The following MED13L variants were observed in gnomAD, a reference collection of about 807,000 sequenced individuals.
MED13L encodes mediator complex subunit 13L.
A neutral mutation model predicts 220.9 loss-of-function variants in MED13L; 7 were observed. The ratio of observed to expected loss-of-function variants is 0.03; its 90% confidence interval spans 0.02 to 0.06. The LOEUF is 0.06. MED13L is among the 10% of genes least tolerant of loss of function. The pLI is 1.00. For synonymous variants in MED13L, 1,011 were observed against 1,015.2 expected (o/e 1.00, Z 0.08); for missense variants, 1,965 against 2,760.5 (o/e 0.71, Z 6.46).
chr12:116,032,937 T>A (rs560701089), intron 4 of MED13L, among the ~76,000 whole-genome samples: 1 of 151,602 alleles, frequency 6.6e-6, no homozygotes. Flanking sequence ...GAGGAAATGA[T>A]GGTAGAGCAG....
At chr12:116,110,613 A>G (rs1873998610) in intron 3 of MED13L, among the ~76,000 whole-genome samples, 1 of 152,202 alleles carries the variant, frequency 6.6e-6, no homozygotes, top group Non-Finnish European at 1.5e-5. Context: ...TTACATATTA[A>G]TTACAAACAC....
intron 4 of MED13L, among the ~76,000 whole-genome samples, chr12:116,038,499 A>T (rs1414043214): frequency 6.6e-6 from 1 of 152,128 alleles, no homozygotes; most frequent in Non-Finnish European, 1.5e-5. Flanking sequence ...TGTTTTACAA[A>T]AACATCCAAC....
At chr12:115,962,823 C>T in intron 30 of MED13L, 1 of 164,092 alleles carries the variant, frequency 6.1e-6, no homozygotes, top group Admixed American at 5.6e-5. Flanking sequence ...AGATCGAGAT[C>T]ATCCTGGCTA....
intron 2 of MED13L, among the ~76,000 whole-genome samples, chr12:116,157,745 T>C (rs1365741945): frequency 2.0e-5 from 3 of 152,266 alleles, no homozygotes; most frequent in Non-Finnish European, 4.4e-5. Flanking sequence ...TATGGTGCTT[T>C]TGTGGTCCCC....
At chr12:115,985,278 T>A (rs1257371511) in intron 19 of MED13L, among the ~76,000 whole-genome samples, 2 of 152,222 alleles carry the variant, frequency 1.3e-5, no homozygotes, top group African/African-American at 2.4e-5. Flanking sequence ...GATTTAATAG[T>A]ATTATATATG....
At chr12:116,075,092 GT>G (rs1484583086) in intron 4 of MED13L, among the ~76,000 whole-genome samples, 1 of 152,146 alleles carries the variant, frequency 6.6e-6, no homozygotes, top group Non-Finnish European at 1.5e-5. Context: ...AATGACCACT[GT>G]TTTTTGTTTC....
rs138997955 is a variant in MED13L at position 116,101,802 on chromosome 12, CAAAT to C, written c.396-5054_396-5051del. Among the ~76,000 whole-genome samples the C allele has an allele frequency of 1.6e-3, 242 of 152,240 alleles. 2 individuals are homozygous for C. Among genetic ancestry groups the C allele is most frequent in the African/African-American group, 5.5e-3 (228 of 41,538 alleles). ...GGGTCAAAATTTATACTTAACTTCA[CAAAT>C]AAATAAATCAAGCAGACACACTCCA... On this transcript the variant is annotated intron_variant, in intron 3 of 30. Coordinates refer to ENST00000281928, the MANE Select transcript of MED13L (RefSeq NM_015335.5).
At chr12:116,194,894 C>A (rs1426164302) in intron 2 of MED13L, among the ~76,000 whole-genome samples, 1 of 152,090 alleles carries the variant, frequency 6.6e-6, no homozygotes. Flanking sequence ...ACCAGCATCA[C>A]CATGAAACAG....
At chr12:116,161,521 T>A (rs886276077) in intron 2 of MED13L, among the ~76,000 whole-genome samples, 5 of 152,158 alleles carry the variant, frequency 3.3e-5, no homozygotes, top group Non-Finnish European at 1.5e-5. Context: ...TTAATAAATA[T>A]TTACTGAGTA....
At chr12:116,081,347 T>G (rs1004449482) in intron 4 of MED13L, among the ~76,000 whole-genome samples, 1 of 152,350 alleles carries the variant, frequency 6.6e-6, no homozygotes, top group South Asian at 2.1e-4. Context: ...TTTTGTAAAC[T>G]GTACTTTAGG....
At chr12:115,971,772 T>C (rs372280386) in intron 26 of MED13L, among the ~76,000 whole-genome samples, 3 of 152,172 alleles carry the variant, frequency 2.0e-5, no homozygotes, top group South Asian at 4.1e-4. Flanking sequence ...TCATAGTTCT[T>C]TGGAGGGTGA....
intron 2 of MED13L, among the ~76,000 whole-genome samples, chr12:116,203,132 C>T (rs552946333): frequency 1.3e-5 from 2 of 152,166 alleles, no homozygotes; most frequent in Admixed American, 6.5e-5. Flanking sequence ...TCTGAACTCT[C>T]GAGTTTCATC....
intron 2 of MED13L, among the ~76,000 whole-genome samples, chr12:116,234,628 T>A (rs568488469): frequency 6.6e-6 from 1 of 152,110 alleles, no homozygotes; most frequent in Non-Finnish European, 1.5e-5. Context: ...ATGCTTAACA[T>A]TAAAGCCTGC....
chr12:115,968,874 T>C, intron 28 of MED13L, 66 bp downstream of exon 28: 2 of 1,576,706 alleles, frequency 1.3e-6, no homozygotes, highest in Non-Finnish European at 1.7e-6. Flanking sequence ...GATGATCAGA[T>C]GTCCAGTGGA....
Position 116,238,425 on chromosome 12 carries a change from T to C in MED13L, c.73-720A>G, listed in dbSNP as rs1870304450. On this transcript the variant is annotated intron_variant, in intron 1 of 30. Coordinates refer to ENST00000281928, the MANE Select transcript of MED13L (RefSeq NM_015335.5). ...TTTGATCCATTACATACGTTTATATTTCAAGATGTCTTAAATCTTAAGTTA... is the reference window on the plus strand; with the variant it reads ...TTTGATCCATTACATACGTTTATATCTCAAGATGTCTTAAATCTTAAGTTA... Among the ~76,000 whole-genome samples the C allele has an allele frequency of 2.0e-5, 3 of 152,234 alleles. No individual in the cohort carries two copies. In the South Asian group the frequency reaches 6.2e-4, roughly 31 times the overall value.
intron 28 of MED13L, among the ~76,000 whole-genome samples, chr12:115,967,129 C>A (rs550078409): frequency 5.0e-5 from 7 of 140,160 alleles, no homozygotes; most frequent in African/African-American, 1.9e-4. Context: ...CAAGATCATG[C>A]CACTGCACTC....
intron 2 of MED13L, among the ~76,000 whole-genome samples, chr12:116,205,965 T>G (rs892487593): frequency 1.9e-4 from 28 of 149,468 alleles, no homozygotes; most frequent in Non-Finnish European, 3.7e-4. Context: ...TTTTGCTTCC[T>G]TTGTATAAAG....
At chr12:116,245,169 T>C (rs951129707) in intron 1 of MED13L, among the ~76,000 whole-genome samples, 1 of 151,996 alleles carries the variant, frequency 6.6e-6, no homozygotes, top group Admixed American at 6.6e-5. Context: ...TGGTGAAATA[T>C]ATAGAATGAA....
intron 2 of MED13L, among the ~76,000 whole-genome samples, chr12:116,199,449 C>T (rs1881857649): frequency 6.6e-6 from 1 of 152,166 alleles, no homozygotes; most frequent in Non-Finnish European, 1.5e-5. Flanking sequence ...GCAAGAAACA[C>T]TAAGTCCTTA....
Sources: allele counts gnomAD v4.1 joint callset (sites outside exome capture counted in the v4.1 genomes callset), GRCh38; gene constraint gnomAD v4.1.1; transcripts MANE v1.5; gene names NCBI Gene and HGNC (gene_info 2026-07-23, HGNC 2026-07-21).